The following NPSR1 variants were observed in gnomAD, a reference collection of about 807,000 sequenced individuals.
The protein encoded by NPSR1 is neuropeptide S receptor.
Under a neutral mutation model 46.9 loss-of-function variants are expected in NPSR1, and 48 were observed. That is an observed-to-expected ratio of 1.02 (90% confidence interval 0.81 to 1.30). The LOEUF is 1.30. Among genes scored for constraint, NPSR1 ranks in the 50% most tolerant of loss-of-function variants. NPSR1 has a pLI of 0.00. For missense variants in NPSR1, 450 were observed against 449.5 expected (o/e 1.00, Z -0.01); for synonymous variants, 176 against 168.1 (o/e 1.05, Z -0.36).
intron 2 of NPSR1, among the ~76,000 whole-genome samples, chr7:34,730,950 A>G (rs1784390265): frequency 6.6e-6 from 1 of 152,216 alleles, no homozygotes; most frequent in Non-Finnish European, 1.5e-5. Flanking sequence ...GAGAGAATAT[A>G]GTAAAATAGG....
At chr7:34,779,514 A>T (rs1206963632) in intron 3 of NPSR1, 2 of 959,730 alleles carry the variant, frequency 2.1e-6, no homozygotes, top group Admixed American at 4.1e-5. Flanking sequence ...TAAAATTTTA[A>T]TTTTTTTCAT....
downstream of NPSR1, among the ~76,000 whole-genome samples, chr7:34,854,074 C>T (rs1439524430): frequency 6.6e-6 from 1 of 152,024 alleles, no homozygotes; most frequent in Non-Finnish European, 1.5e-5. Flanking sequence ...AATTATCTTG[C>T]ATGCAAAATG....
chr7:34,757,763 G>A (rs1785941713), intron 2 of NPSR1, among the ~76,000 whole-genome samples: 2 of 152,122 alleles, frequency 1.3e-5, no homozygotes. Flanking sequence ...CGACTGTTCT[G>A]CTAGTCTGCT....
intron 1 of NPSR1, among the ~76,000 whole-genome samples, chr7:34,664,352 TGA>T (rs200431435): frequency 0.016 from 2,423 of 152,240 alleles, 40 homozygotes; most frequent in South Asian, 0.019. Context: ...AATAGTTAAG[TGA>T]GAGAATGCTT....
At chr7:34,768,710 C>T (rs941761654) in intron 2 of NPSR1, among the ~76,000 whole-genome samples, 4 of 152,110 alleles carry the variant, frequency 2.6e-5, no homozygotes, top group African/African-American at 9.7e-5. Flanking sequence ...TTGGCAGGTC[C>T]AGCACTGGAA....
intron 8 of NPSR1, among the ~76,000 whole-genome samples, chr7:34,875,944 C>A (rs1375490586): frequency 1.3e-5 from 2 of 152,146 alleles, no homozygotes; most frequent in Non-Finnish European, 2.9e-5. Flanking sequence ...CCCTCCTGAG[C>A]CCCACCACCC....
At position 34,807,957 on chromosome 7, in the gene NPSR1, T is replaced by C. The variant is rs1465042435; in HGVS notation, c.385-3813T>C. 2.0e-5 allele frequency among the ~76,000 whole-genome samples: 3 copies of C among 149,384 alleles called. No homozygotes were observed. In the East Asian group the frequency reaches 6.2e-4, roughly 31 times the overall value. ...CTGGAACCTGTGATGTTACCTTATA[T>C]AAGAAAAGGGAACTTCACAAATGTA... On this transcript the variant is annotated intron_variant, in intron 3 of 8. Transcript: ENST00000360581.
intron 2 of NPSR1, among the ~76,000 whole-genome samples, chr7:34,747,150 G>T (rs993543214): frequency 4.1e-5 from 6 of 146,732 alleles, no homozygotes; most frequent in South Asian, 2.2e-4. Context: ...AAAAAAAAGA[G>T]GCATTTCTAA....
At chr7:34,756,389 A>G (rs1278391932) in intron 2 of NPSR1, among the ~76,000 whole-genome samples, 2 of 152,192 alleles carry the variant, frequency 1.3e-5, no homozygotes, top group African/African-American at 4.8e-5. Flanking sequence ...CAATGTCACA[A>G]CCGATCTGGA....
rs529893347 is a variant in NPSR1, at chr7:34,720,451, A to G, written c.280+35767A>G. Reference sequence around the variant, plus strand: ...CTTTCTGGAAGAGAAAACAAGTCCCATGGGGAAATATGGGCAGGATGTAGG... The same window carrying G: ...CTTTCTGGAAGAGAAAACAAGTCCCGTGGGGAAATATGGGCAGGATGTAGG... On this transcript the variant is annotated intron_variant, in intron 2 of 8. Transcript: ENST00000360581. Among the ~76,000 whole-genome samples, 4 of 152,282 alleles carry G rather than the reference A, an allele frequency of 2.6e-5. No individual in the cohort carries two copies. In the East Asian group the frequency reaches 7.7e-4, roughly 29 times the overall value.
chr7:34,832,180 T>A (rs1305532858), intron 5 of NPSR1, among the ~76,000 whole-genome samples: 1 of 152,224 alleles, frequency 6.6e-6, no homozygotes, highest in Non-Finnish European at 1.5e-5. Context: ...TATGGAGTCA[T>A]TTTGCAGGGA....
intron 2 of NPSR1, among the ~76,000 whole-genome samples, chr7:34,747,294 A>C (rs1785253369): frequency 6.6e-6 from 1 of 152,144 alleles, no homozygotes; most frequent in Non-Finnish European, 1.5e-5. Context: ...CAGTCCAGAG[A>C]GCGAGTAAGG....
intron 2 of NPSR1, among the ~76,000 whole-genome samples, chr7:34,698,730 G>T (rs1410545256): frequency 6.6e-6 from 1 of 152,190 alleles, no homozygotes; most frequent in African/African-American, 2.4e-5. Flanking sequence ...AGGCCAAGAA[G>T]TTGGGGAGGT....
chr7:34,699,746 G>A lies in NPSR1; in HGVS notation c.280+15062G>A, dbSNP rs572972838. On this transcript the variant is annotated intron_variant, in intron 2 of 8. Coordinates refer to ENST00000360581, the MANE Select transcript of NPSR1 (RefSeq NM_207172.2). ...CTTGTTAACCTTAATTATTTCCACA[G>A]AGGTCATATGTTCAAATACAGTCAC... Among the ~76,000 whole-genome samples, 6 of 152,288 alleles carry A rather than the reference G, an allele frequency of 3.9e-5. No individual in the cohort carries two copies. In the East Asian group the frequency reaches 1.2e-3, roughly 29 times the overall value.
At chr7:34,792,506 C>A (rs1024295715) in intron 3 of NPSR1, among the ~76,000 whole-genome samples, 14 of 146,504 alleles carry the variant, frequency 9.6e-5, no homozygotes, top group African/African-American at 3.5e-4. Context: ...CAAAAACACA[C>A]ACACACACAC....
rs752940003 is a variant in NPSR1 at position 34,684,606 on chromosome 7, T to G, written c.202T>G (p.Ser68Ala). 66 of 1,613,690 alleles carry G rather than the reference T, an allele frequency of 4.1e-5. No individual in the cohort carries two copies. The highest frequency in any genetic ancestry group is 5.4e-5 in the Non-Finnish European group (64 of 1,179,784). The change falls in exon 2 of 9, where the codon TCC becomes GCC. Residue 68 changes from serine (S) to alanine (A), a missense_variant. Ser to Ala is a moderately conservative substitution (Grantham distance 99). Transcript: ENST00000360581. ...VLFVFTIVGN[S>A]VVLFSTWRRK... ...CTTTGTTTTTACCATTGTTGGAAAC[T>G]CCGTTGTGCTTTTTTCCACATGGAG... is the stretch of plus-strand genomic sequence containing the variant.
chr7:34,828,415 C>T (rs1663802340), intron 5 of NPSR1, among the ~76,000 whole-genome samples: 1 of 152,218 alleles, frequency 6.6e-6, no homozygotes, highest in African/African-American at 2.4e-5. Flanking sequence ...TGTAGAGGGT[C>T]TTTCAACAGA....
rs187151165 is a variant in NPSR1, at chr7:34,690,778, A to G, written c.280+6094A>G. Among the ~76,000 whole-genome samples the G allele has an allele frequency of 2.3e-3, 352 of 152,318 alleles. 6 individuals carry two copies. The highest frequency in any genetic ancestry group is 3.3e-3 in the East Asian group (17 of 5,186). On this transcript the variant is annotated intron_variant, in intron 2 of 8. Coordinates refer to ENST00000360581, the MANE Select transcript of NPSR1 (RefSeq NM_207172.2). ...AATTTATAGGTATTTCAAAGGGTGA[A>G]GAAGAAAAAGTATGGAAAACCTATT...
intron 2 of NPSR1, among the ~76,000 whole-genome samples, chr7:34,695,114 T>C (rs1192570416): frequency 6.6e-6 from 1 of 152,130 alleles, no homozygotes; most frequent in Admixed American, 6.5e-5. Flanking sequence ...GGTACAAAAA[T>C]AGACACACAG....
Sources: gnomAD v4.1 joint callset for allele counts (sites outside exome capture counted in the v4.1 genomes callset) on GRCh38, gnomAD v4.1.1 for gene constraint, MANE v1.5 for transcripts, NCBI Gene and HGNC (gene_info 2026-07-23, HGNC 2026-07-21) for gene names.